The following ALOX5 variants were observed in gnomAD, a reference collection of about 807,000 sequenced individuals.
The protein encoded by ALOX5 is polyunsaturated fatty acid 5-lipoxygenase.
Under a neutral mutation model 87.9 loss-of-function variants are expected in ALOX5, and 64 were observed. The observed-to-expected ratio is 0.73, with a 90% CI of 0.60 to 0.90. The LOEUF (loss-of-function observed/expected upper bound fraction) is 0.90, where lower values mean the gene tolerates loss of function less well. Among genes scored for constraint, ALOX5 ranks in the 40% least tolerant of loss-of-function variants. ALOX5 has a pLI of 0.00. For missense variants in ALOX5, 822 were observed against 907.5 expected (o/e 0.91, Z 1.21); for synonymous variants, 388 against 355.1 (o/e 1.09, Z -1.04).
At chr10:45,383,933 T>A (rs1839927558) in intron 2 of ALOX5, among the ~76,000 whole-genome samples, 2 of 152,100 alleles carry the variant, frequency 1.3e-5, no homozygotes, top group Admixed American at 1.3e-4. Context: ...TGAAACTCCC[T>A]CCTGCACATC....
chr10:45,413,622 G>A (rs967843588), intron 4 of ALOX5, among the ~76,000 whole-genome samples: 6 of 152,144 alleles, frequency 3.9e-5, no homozygotes, highest in African/African-American at 1.4e-4. Context: ...GAAATAAAGG[G>A]TATTCAATTA....
intron 2 of ALOX5, among the ~76,000 whole-genome samples, chr10:45,389,551 A>G (rs1186063413): frequency 2.0e-5 from 3 of 152,240 alleles, no homozygotes; most frequent in Non-Finnish European, 2.9e-5. Context: ...ACATTCTTAA[A>G]GAAAAGAATT....
At chr10:45,441,708 A>C in intron 9 of ALOX5, 2 of 441,758 alleles carry the variant, frequency 4.5e-6, no homozygotes, top group Non-Finnish European at 8.0e-6. Flanking sequence ...CTGGGTGTAG[A>C]CCCCCCTCTG....
At chr10:45,392,493 CAGA>C (rs1840322722) in intron 2 of ALOX5, among the ~76,000 whole-genome samples, 1 of 151,714 alleles carries the variant, frequency 6.6e-6, no homozygotes, top group East Asian at 1.9e-4. Flanking sequence ...CTTTGTTAAA[CAGA>C]TGCTTGAAGG....
chr10:45,386,066 C>T (rs377650551), intron 2 of ALOX5, among the ~76,000 whole-genome samples: 378 of 152,098 alleles, frequency 2.5e-3, no homozygotes, highest in African/African-American at 8.1e-3. Context: ...TAGCTAGGGG[C>T]CGAGGCGGGT....
chr10:45,382,046 A>G, intron 1 of ALOX5, among the ~76,000 whole-genome samples: 1 of 152,228 alleles, frequency 6.6e-6, no homozygotes. Flanking sequence ...TCTTAAAAAG[A>G]TGAAGACCCC....
chr10:45,445,398 C>G (rs900543135), intron 13 of ALOX5, 110 bp from the exon 14 acceptor site: 23 of 1,319,024 alleles, frequency 1.7e-5, no homozygotes, highest in Non-Finnish European at 2.4e-5. Context: ...TGAATAGATG[C>G]TCCCTCCTTC....
intron 4 of ALOX5, among the ~76,000 whole-genome samples, chr10:45,414,353 A>C (rs1273877631): frequency 1.3e-5 from 2 of 152,242 alleles, no homozygotes; most frequent in Admixed American, 6.5e-5. Flanking sequence ...TTCCCTATTT[A>C]ATAAATGGTG....
rs1320117134 is a variant in ALOX5 at position 45,443,141 on chromosome 10, G to A, written c.1376G>A (p.Gly459Asp). Residue 459 changes from glycine to aspartate, a missense_variant, in exon 10 of 14, where the codon GGC (glycine) becomes GAC (aspartate). By Grantham distance (94) the Gly-to-Asp change is moderately conservative (BLOSUM62 -1). Coordinates refer to ENST00000374391, the MANE Select transcript of ALOX5 (RefSeq NM_000698.5). ...TTTCCCGAGGCCATCAAGGCCCGGG[G>A]CATGGAGAGCAAAGAAGACATCCCC... The part of the protein sequence containing the change: ...LCFPEAIKAR[G>D]MESKEDIPYY... The A allele has an allele frequency of 3.1e-6, 5 of 1,613,766 alleles. No homozygotes were observed. Among genetic ancestry groups the A allele is most frequent in the South Asian group, 2.2e-5 (2 of 91,092 alleles).
chr10:45,392,512 G>T (rs529263676), intron 2 of ALOX5, among the ~76,000 whole-genome samples: 44 of 151,748 alleles, frequency 2.9e-4, no homozygotes, highest in African/African-American at 1.0e-3. Flanking sequence ...GAAGGCAGCA[G>T]GCTCCTTAAG....
At chr10:45,380,003 G>A (rs953724878) in intron 1 of ALOX5, among the ~76,000 whole-genome samples, 2 of 152,076 alleles carry the variant, frequency 1.3e-5, no homozygotes, top group Non-Finnish European at 2.9e-5. Context: ...CCTGGCGTGG[G>A]GCAGGCCCGA....
At chr10:45,395,790 C>T (rs1840477976) in intron 2 of ALOX5, 65 bp from the exon 3 acceptor site, 2 of 1,455,256 alleles carry the variant, frequency 1.4e-6, no homozygotes, top group African/African-American at 2.8e-5. Flanking sequence ...GAAGCCTGAA[C>T]ACTTGGCATT....
intron 7 of ALOX5, among the ~76,000 whole-genome samples, chr10:45,429,322 A>G (rs534081886): frequency 7.3e-4 from 111 of 152,342 alleles, no homozygotes; most frequent in African/African-American, 2.6e-3. Flanking sequence ...GGCCAAGGCC[A>G]GGACTGGACT....
At chr10:45,381,172 C>T (rs906020411) in intron 1 of ALOX5, among the ~76,000 whole-genome samples, 5 of 152,228 alleles carry the variant, frequency 3.3e-5, no homozygotes, top group African/African-American at 1.2e-4. Flanking sequence ...GTCCCAGAGG[C>T]CTGGGCAGCT....
intron 4 of ALOX5, among the ~76,000 whole-genome samples, chr10:45,414,486 T>C (rs1186749203): frequency 2.0e-5 from 3 of 152,160 alleles, no homozygotes; most frequent in Admixed American, 6.5e-5. Flanking sequence ...ATAAAAACCC[T>C]AGAAGAAAAC....
chr10:45,439,402 C>T (rs541154337), intron 7 of ALOX5, among the ~76,000 whole-genome samples: 40 of 152,240 alleles, frequency 2.6e-4, no homozygotes, highest in Non-Finnish European at 4.7e-4. Flanking sequence ...AAAGTCTGGC[C>T]ATGCCCCTTC....
rs1250721707 is a variant in ALOX5 at position 45,423,938 on chromosome 10, AG to A, written c.555-98del. On this transcript the variant is annotated intron_variant, in intron 4 of 13. Transcript: ENST00000374391. ...CACCTACCTCTGCAGAGCTGCCTGG[AG>A]GGGGCGGGGGTTGTGAGGACCCCTG... is the stretch of plus-strand genomic sequence containing the variant. 5 of 860,326 alleles carry A rather than the reference AG, an allele frequency of 5.8e-6. No individual in the cohort carries two copies. The East Asian group carries it at 1.2e-4, about 21-fold the overall frequency. 53.3% of individuals were successfully genotyped at this position (860,326 alleles called of 1,614,324 possible). A position where few individuals can be genotyped will look rare whatever the true frequency, so the allele number is the denominator to read the frequency against.
At chr10:45,391,383 A>C (rs371752004) in intron 2 of ALOX5, among the ~76,000 whole-genome samples, 1 of 145,218 alleles carries the variant, frequency 6.9e-6, no homozygotes, top group Admixed American at 6.9e-5. Flanking sequence ...ACGGAGTCTC[A>C]TTCACTCAGT....
intron 2 of ALOX5, among the ~76,000 whole-genome samples, chr10:45,386,790 C>T (rs918286384): frequency 6.6e-6 from 1 of 152,142 alleles, no homozygotes; most frequent in African/African-American, 2.4e-5. Context: ...GCTCTATGGG[C>T]TGCGTTCACA....
Sources: allele counts gnomAD v4.1 joint callset (sites outside exome capture counted in the v4.1 genomes callset), GRCh38; gene constraint gnomAD v4.1.1; transcripts MANE v1.5; gene names NCBI Gene and HGNC (gene_info 2026-07-23, HGNC 2026-07-21).